Variants in PCDH15 observed in about 807,000 individuals in gnomAD.
The protein encoded by PCDH15 is protocadherin-15.
A neutral mutation model predicts 178.5 loss-of-function variants in PCDH15; 129 were observed. The ratio of observed to expected loss-of-function variants is 0.72; its 90% CI spans 0.63 to 0.84. PCDH15 has a LOEUF of 0.84. Ranked by LOEUF, PCDH15 falls within the 40% of genes least tolerant of loss-of-function variation. PCDH15 has a pLI of 0.00. For synonymous variants in PCDH15, 800 were observed against 732.0 expected, an observed-to-expected ratio of 1.09 and a Z score of -1.50; for missense variants, 2,230 against 2,099.9, an observed-to-expected ratio of 1.06 and a Z score of -1.21.
In PCDH15 at chr10:55,380,340, A is replaced by T. The variant is rs1427965049; in HGVS notation, c.-155-213689T>A. ...GAATTTAAGAACTCTCTGATACTAC[A>T]AGTCTGGTGATTAATGATACAGGGT... On this transcript the variant is annotated intron_variant, in intron 2 of 5. Coordinates refer to the PCDH15 transcript ENST00000613346. Among the ~76,000 whole-genome samples the T allele has an allele frequency of 7.0e-4, 107 of 152,144 alleles. 2 individuals are homozygous for T. The highest frequency in any genetic ancestry group is 1.9e-4 in the Non-Finnish European group (13 of 68,022).
chr10:54,496,749 T>A (rs1031129020), intron 3 of PCDH15, among the ~76,000 whole-genome samples: 1 of 152,156 alleles, frequency 6.6e-6, no homozygotes, highest in African/African-American at 2.4e-5. Context: ...ATACTTCCCT[T>A]ATTTTAAAAG....
intron 1 of PCDH15, among the ~76,000 whole-genome samples, chr10:54,666,146 C>T (rs1472648106): frequency 6.7e-6 from 1 of 150,120 alleles, no homozygotes; most frequent in Non-Finnish European, 1.5e-5. Context: ...AGAATGAGTA[C>T]CCCCTAAAGC....
At chr10:54,732,767 T>C (rs374704877) in intron 1 of PCDH15, among the ~76,000 whole-genome samples, 2 of 151,544 alleles carry the variant, frequency 1.3e-5, no homozygotes, top group Non-Finnish European at 1.5e-5. Flanking sequence ...CTCATGAGCA[T>C]AGATGCAGAA....
intron 3 of PCDH15, among the ~76,000 whole-genome samples, chr10:54,434,608 A>G (rs1037336928): frequency 1.3e-5 from 2 of 152,182 alleles, no homozygotes; most frequent in African/African-American, 2.4e-5. Context: ...AGGTTTGTGT[A>G]AGTAAGTACA....
chr10:54,089,836 T>C (rs1459514891), intron 16 of PCDH15, 148 bp downstream of exon 16: 2 of 660,844 alleles, frequency 3.0e-6, no homozygotes, highest in East Asian at 2.7e-5. Context: ...GGCTCAGAAT[T>C]ATCCTCCCAG....
intron 2 of PCDH15, among the ~76,000 whole-genome samples, chr10:55,426,441 A>G (rs1572234): frequency 0.5 from 76,438 of 151,994 alleles, 20,467 homozygotes; most frequent in African/African-American, 0.63. Context: ...GTACAGGAGC[A>G]GGCAGAATCT....
intron 3 of PCDH15, among the ~76,000 whole-genome samples, chr10:54,410,353 G>T (rs10825324): frequency 6.6e-6 from 1 of 151,866 alleles, no homozygotes; most frequent in African/African-American, 2.4e-5. Context: ...TAAAGAACAA[G>T]TCAGGCTGCA....
chr10:54,631,600 CT>C (rs1376671796), intron 2 of PCDH15, among the ~76,000 whole-genome samples: 1 of 152,128 alleles, frequency 6.6e-6, no homozygotes, highest in Non-Finnish European at 1.5e-5. Flanking sequence ...GGACACATTA[CT>C]TTGTGTGTTC....
chr10:53,806,937 T>TTGTC lies in PCDH15; in HGVS notation c.4861_4864dup (p.Asn1622ArgfsTer16). The TTGTC allele has an allele frequency of 6.2e-7, 1 of 1,613,864 alleles. No individual in the cohort carries two copies. The highest frequency in any genetic ancestry group is 8.5e-7 in the Non-Finnish European group (1 of 1,179,832). On this transcript the variant is annotated frameshift_variant, in exon 38 of 38. Transcript: ENST00000644397. LOFTEE classifies it high-confidence loss of function. Reference sequence around the variant, plus strand: ...TCGAACAGGGGAAGCAACTTTTAAGTTGTCCGTGAGGCAGGCACGGCGGGT... The same window carrying TTGTC: ...TCGAACAGGGGAAGCAACTTTTAAGTTGTCTGTCCGTGAGGCAGGCACGGCGGGT...
chr10:53,811,106 G>A (rs1433733625), intron 36 of PCDH15, among the ~76,000 whole-genome samples: 1 of 152,060 alleles, frequency 6.6e-6, no homozygotes, highest in Non-Finnish European at 1.5e-5. Context: ...TTTTGAAAGT[G>A]GTTAATTTAT....
intron 15 of PCDH15, among the ~76,000 whole-genome samples, chr10:54,126,417 T>C (rs2132958136): frequency 6.6e-6 from 1 of 152,178 alleles, no homozygotes; most frequent in South Asian, 2.1e-4. Context: ...ACAATCAACC[T>C]CCCTCCTATT....
intron 2 of PCDH15, among the ~76,000 whole-genome samples, chr10:55,475,120 G>A (rs1840037730): frequency 6.6e-6 from 1 of 152,082 alleles, no homozygotes; most frequent in Non-Finnish European, 1.5e-5. Context: ...AAGAGAAAGA[G>A]GGGAGGGAGG....
At chr10:54,296,342 G>A (rs1307767742) in intron 8 of PCDH15, among the ~76,000 whole-genome samples, 1 of 151,836 alleles carries the variant, frequency 6.6e-6, no homozygotes, top group Non-Finnish European at 1.5e-5. Context: ...AAGCCATTCA[G>A]CTCCAGGGTC....
At chr10:54,772,728 G>T (rs903656134) in intron 1 of PCDH15, among the ~76,000 whole-genome samples, 52 of 152,144 alleles carry the variant, frequency 3.4e-4, no homozygotes, top group African/African-American at 1.2e-3. Flanking sequence ...AGACCTAGAG[G>T]CAGAAATACC....
chr10:55,087,292 G>C (rs1430800332), intron 2 of PCDH15, among the ~76,000 whole-genome samples: 1 of 152,150 alleles, frequency 6.6e-6, no homozygotes, highest in Non-Finnish European at 1.5e-5. Flanking sequence ...TGAAGACAGT[G>C]AATCAGGAAT....
At chr10:55,479,831 ATACAAT>A (rs1840140037) in intron 2 of PCDH15, among the ~76,000 whole-genome samples, 2 of 151,744 alleles carry the variant, frequency 1.3e-5, no homozygotes, top group African/African-American at 4.8e-5. Context: ...CAAACTCACC[ATACAAT>A]AATTAGTAGC....
intron 23 of PCDH15, among the ~76,000 whole-genome samples, chr10:53,955,450 T>C (rs2087521396): frequency 6.6e-6 from 1 of 152,220 alleles, no homozygotes; most frequent in South Asian, 2.1e-4. Flanking sequence ...AATAATTCAG[T>C]TAAACATTCT....
chr10:55,300,952 C>T (rs1337639664), intron 1 of PCDH15, among the ~76,000 whole-genome samples: 1 of 152,106 alleles, frequency 6.6e-6, no homozygotes, highest in African/African-American at 2.4e-5. Flanking sequence ...TCATGGTGCC[C>T]TTTTATAGTC....
At chr10:55,546,390 G>A (rs1841883216) in intron 2 of PCDH15, among the ~76,000 whole-genome samples, 1 of 152,044 alleles carries the variant, frequency 6.6e-6, no homozygotes. Flanking sequence ...TATAGAAAAT[G>A]GAAGATGCAC....
Sources: allele counts gnomAD v4.1 joint callset (sites outside exome capture counted in the v4.1 genomes callset), GRCh38; gene constraint gnomAD v4.1.1; transcripts MANE v1.5; gene names NCBI Gene and HGNC (gene_info 2026-07-23, HGNC 2026-07-21).